Variants in ANO1 observed in about 807,000 individuals in gnomAD.
The protein encoded by ANO1 is anoctamin 1, also known as anoctamin-1.
ANO1 carries 59 observed loss-of-function variants against 124.0 expected under a neutral mutation model. The ratio of observed to expected loss-of-function variants is 0.48; its 90% CI spans 0.39 to 0.59. The LOEUF (loss-of-function observed/expected upper bound fraction) is 0.59, where lower values mean the gene tolerates loss of function less well. ANO1 is among the 20% of genes least tolerant of loss of function. The pLI, the probability that ANO1 is intolerant of heterozygous loss-of-function variation, is 0.00. For missense variants in ANO1, 1,059 were observed against 1,328.0 expected (o/e 0.80, Z 3.15); for synonymous variants, 529 against 532.0 (o/e 0.99, Z 0.08).
chr11:70,029,400 G>C (rs991680229), intron 1 of ANO1, among the ~76,000 whole-genome samples: 4 of 152,208 alleles, frequency 2.6e-5, no homozygotes, highest in African/African-American at 4.8e-5. Context: ...CGGCTCATTT[G>C]CTTCAAGAGC....
chr11:70,127,529 T>C (rs2509163), intron 10 of ANO1, among the ~76,000 whole-genome samples: 125,884 of 152,156 alleles, frequency 0.83, 52,208 homozygotes, highest in Middle Eastern at 0.9. Flanking sequence ...CCACATGACT[T>C]CAGAACAAGA....
chr11:70,156,639 C>T (rs970462225), intron 15 of ANO1, among the ~76,000 whole-genome samples: 2 of 152,124 alleles, frequency 1.3e-5, no homozygotes, highest in African/African-American at 2.4e-5. Flanking sequence ...TTCTCCCAGA[C>T]GTGGGTCCAA....
chr11:70,080,727 C>T (rs955181147), intron 1 of ANO1, among the ~76,000 whole-genome samples: 3 of 152,252 alleles, frequency 2.0e-5, no homozygotes, highest in Admixed American at 1.3e-4. Flanking sequence ...GGGTTCCACA[C>T]AACACTTCCG....
chr11:70,118,359 C>A (rs1470492488), intron 8 of ANO1, among the ~76,000 whole-genome samples: 1 of 152,214 alleles, frequency 6.6e-6, no homozygotes, highest in Non-Finnish European at 1.5e-5. Flanking sequence ...CCAGCAAACA[C>A]AATGCGGGTT....
intron 1 of ANO1, among the ~76,000 whole-genome samples, chr11:70,004,629 C>A (rs572326533): frequency 1.3e-5 from 2 of 152,356 alleles, no homozygotes; most frequent in South Asian, 4.1e-4. Context: ...CAGCCACAGG[C>A]TTCTCCATCA....
the ANO1 span, among the ~76,000 whole-genome samples, chr11:69,967,321 C>A: frequency 6.6e-6 from 1 of 152,138 alleles, no homozygotes; most frequent in Non-Finnish European, 1.5e-5. Context: ...TAGCTAGCAT[C>A]AGGCTCTGAG....
In ANO1 at chr11:70,187,759, G is replaced by A. The variant is rs749735694; in HGVS notation, c.2716G>A (p.Asp906Asn). The A allele has an allele frequency of 1.2e-5, 19 of 1,608,880 alleles. No homozygotes were observed. Among genetic ancestry groups the A allele is most frequent in the African/African-American group, 4.0e-5 (3 of 74,822 alleles). Residue 906 changes from aspartate to asparagine, a missense_variant, in exon 26 of 26, where the codon GAC becomes AAC. This residue lies in a region of ANO1 where 809 missense variants were observed against 1,094.9 expected (regional missense o/e 0.74). Coordinates refer to ENST00000355303, the MANE Select transcript of ANO1 (RefSeq NM_018043.7). ...VFQNLVMFMS[D>N]FVDWVIPDIP... ...CCAGAACCTGGTCATGTTCATGAGC[G>A]ACTTTGTGGACTGGGTCATCCCGGA...
At chr11:70,146,154 G>A (rs899156743) in intron 11 of ANO1, among the ~76,000 whole-genome samples, 4 of 152,076 alleles carry the variant, frequency 2.6e-5, no homozygotes, top group African/African-American at 7.2e-5. Context: ...GTCCAGTATC[G>A]TGGTTCTGTG....
In ANO1 at chr11:70,095,344, GA is replaced by G. The variant is rs1012629003; in HGVS notation, c.441+7265del. On this transcript the variant is annotated intron_variant, in intron 2 of 25. Coordinates refer to ENST00000355303, the MANE Select transcript of ANO1 (RefSeq NM_018043.7). ...AGGAAAGAAAGAAAGGAAAGAGAAAGAAAAAGAAAGAAAGAAAGAAAGAAAG... is the reference window on the plus strand; with the variant it reads ...AGGAAAGAAAGAAAGGAAAGAGAAAGAAAAGAAAGAAAGAAAGAAAGAAAG... Among the ~76,000 whole-genome samples, 284 of 99,088 alleles carry G rather than the reference GA, an allele frequency of 2.9e-3. 29 individuals are homozygous for G. The highest frequency in any genetic ancestry group is 0.01 in the African/African-American group (268 of 26,008). 65.0% of individuals were successfully genotyped at this position (99,088 alleles called of 152,430 possible).
rs2045784344 is a variant in ANO1 at position 70,111,644 on chromosome 11, C to G, written c.800-63C>G. ...TGAGATGGCCCTGTGACCGCTGTGA[C>G]TTTACAATGGGAAGCGGGAGACCCG... On this transcript the variant is annotated intron_variant, in intron 6 of 25. Coordinates refer to ENST00000355303, the MANE Select transcript of ANO1 (RefSeq NM_018043.7). 1.9e-6 allele frequency: 3 copies of G among 1,544,706 alleles called. No individual in the cohort carries two copies. In the African/African-American group the frequency reaches 4.1e-5, roughly 21 times the overall value.
At chr11:70,095,352 A>AAAAGAAAG in intron 2 of ANO1, among the ~76,000 whole-genome samples, 1 of 12,406 alleles carries the variant, frequency 8.1e-5, no homozygotes, top group South Asian at 4.2e-3. Flanking sequence ...AAGAAAAAGA[A>AAAAGAAAG]AGAAAGAAAG....
At chr11:69,984,057 A>G (rs1855981735), upstream of ANO1, among the ~76,000 whole-genome samples, 1 of 152,150 alleles carries the variant, frequency 6.6e-6, no homozygotes. Context: ...TTTATAGTTC[A>G]TCATTCCAAG....
chr11:69,979,401 A>G, the ANO1 span, among the ~76,000 whole-genome samples: 1 of 152,314 alleles, frequency 6.6e-6, no homozygotes, highest in East Asian at 1.9e-4. Context: ...CCCGGATTTT[A>G]ATCCAAATTC....
At chr11:70,061,454 T>TTC (rs1198279969) in intron 1 of ANO1, among the ~76,000 whole-genome samples, 2 of 145,552 alleles carry the variant, frequency 1.4e-5, no homozygotes, top group South Asian at 2.2e-4. Context: ...TTCTCTCTCC[T>TTC]TCTCTCTCTC....
rs1022019524 is a variant in ANO1, at chr11:70,111,021, G to A, written c.800-686G>A. 12 of 419,172 alleles carry A rather than the reference G, an allele frequency of 2.9e-5. No homozygotes were observed. In the East Asian group the frequency reaches 3.6e-4, roughly 13 times the overall value. 26.0% of individuals were successfully genotyped at this position (419,172 alleles called of 1,614,324 possible). A position where few individuals can be genotyped will look rare whatever the true frequency, so the allele number is the denominator to read the frequency against. On this transcript the variant is annotated intron_variant, in intron 6 of 25. Transcript: ENST00000355303. ...TCCACTGCCTCCAGGAGCACTGGAC[G>A]GCTGTGAGTCCGCCAGAATCACTGG...
intron 21 of ANO1, chr11:70,170,086 G>A (rs1226264540): frequency 4.4e-6 from 2 of 454,494 alleles, no homozygotes; most frequent in South Asian, 3.1e-5. Context: ...GCGAGGGACT[G>A]TCCTGGGCAG....
intron 1 of ANO1, among the ~76,000 whole-genome samples, chr11:69,992,299 G>A (rs915395105): frequency 2.0e-5 from 3 of 152,164 alleles, no homozygotes; most frequent in East Asian, 1.9e-4. Context: ...ATGAATGGAT[G>A]GATGGATGGA....
intron 2 of ANO1, among the ~76,000 whole-genome samples, chr11:70,093,973 C>T (rs1388532582): frequency 2.0e-5 from 3 of 152,220 alleles, no homozygotes; most frequent in Admixed American, 6.5e-5. Context: ...GGCTTCACCT[C>T]TCTGGGTCTC....
At position 70,124,274 on chromosome 11, in the gene ANO1, C is replaced by A. The variant is rs1488810009; in HGVS notation, c.898-76C>A. 6.5e-6 allele frequency: 9 copies of A among 1,377,192 alleles called. No individual in the cohort carries two copies. The African/African-American group carries it at 7.2e-5, about 11-fold the overall frequency. 85.3% of individuals were successfully genotyped at this position (1,377,192 alleles called of 1,614,324 possible). ...ATGAATGATGTCACGGAGGCTCAGT[C>A]CCCGCAGCTCTGCGTTCCGGGGAGC... is the stretch of plus-strand genomic sequence containing the variant. On this transcript the variant is annotated intron_variant, in intron 8 of 25. Transcript: ENST00000355303.
Sources: gnomAD v4.1 joint callset for allele counts (sites outside exome capture counted in the v4.1 genomes callset) on GRCh38, gnomAD v4.1.1 for gene constraint, gnomAD v4.1.1 regional missense constraint, MANE v1.5 for transcripts, NCBI Gene and HGNC (gene_info 2026-07-23, HGNC 2026-07-21) for gene names.